Variants in PRKCE observed in about 807,000 individuals in gnomAD.
PRKCE encodes the protein protein kinase C epsilon type.
A neutral mutation model predicts 85.4 loss-of-function variants in PRKCE; 16 were observed. The ratio of observed to expected loss-of-function variants is 0.19; its 90% CI spans 0.13 to 0.28. PRKCE has a LOEUF of 0.28. Among genes scored for constraint, PRKCE ranks in the 10% least tolerant of loss-of-function variants. PRKCE has a pLI of 1.00. For missense variants in PRKCE, 573 were observed against 975.2 expected (o/e 0.59, Z 5.49); for synonymous variants, 388 against 371.5 (o/e 1.04, Z -0.51).
chr2:46,143,330 A>C (rs767568688), intron 11 of PRKCE, among the ~76,000 whole-genome samples: 1 of 152,232 alleles, frequency 6.6e-6, no homozygotes, highest in Non-Finnish European at 1.5e-5. Context: ...TGGATACTAC[A>C]AAATAGGGAT....
chr2:45,958,814 ATATTTTTTTTTT>A (rs1701178070), intron 2 of PRKCE, among the ~76,000 whole-genome samples: 5 of 25,450 alleles, frequency 2.0e-4, no homozygotes, highest in Non-Finnish European at 2.7e-4. Flanking sequence ...ATATATATAT[ATATTTTTTTTTT>A]TTTTTTTTTT....
chr2:46,088,432 G>A (rs376457496), intron 11 of PRKCE, among the ~76,000 whole-genome samples: 23 of 152,174 alleles, frequency 1.5e-4, no homozygotes, highest in African/African-American at 4.8e-4. Context: ...TGAAGAAATC[G>A]CAATTTGAGA....
intron 10 of PRKCE, among the ~76,000 whole-genome samples, chr2:46,081,061 A>G (rs4953304): frequency 6.6e-6 from 1 of 152,054 alleles, no homozygotes; most frequent in Admixed American, 6.5e-5. Context: ...GTGCGATCAC[A>G]ACTCACTGAA....
intron 1 of PRKCE, among the ~76,000 whole-genome samples, chr2:45,834,604 G>GTGTC (rs905971351): frequency 6.6e-6 from 1 of 152,140 alleles, no homozygotes; most frequent in Non-Finnish European, 1.5e-5. Flanking sequence ...GTGTGTGTGT[G>GTGTC]TGTGTGTGTG....
chr2:46,005,003 C>T (rs933649904), intron 8 of PRKCE, among the ~76,000 whole-genome samples: 1 of 152,186 alleles, frequency 6.6e-6, no homozygotes, highest in African/African-American at 2.4e-5. Context: ...GACCTGTCAA[C>T]ACCACTCCCT....
At chr2:45,832,083 T>C (rs1163913958) in intron 1 of PRKCE, among the ~76,000 whole-genome samples, 1 of 152,212 alleles carries the variant, frequency 6.6e-6, no homozygotes, top group African/African-American at 2.4e-5. Flanking sequence ...TGGTTCCAAC[T>C]AAACAATGAA....
At chr2:46,100,633 G>C (rs112917966) in intron 11 of PRKCE, among the ~76,000 whole-genome samples, 1 of 152,188 alleles carries the variant, frequency 6.6e-6, no homozygotes, top group Admixed American at 6.5e-5. Context: ...TCAGAAGGGG[G>C]TTTCTTTCTA....
rs1671900330 is a variant in PRKCE at position 46,108,069 on chromosome 2, A to C, written c.1592+21707A>C. Reference sequence around the variant, plus strand: ...CAGTCACCCAAGTAGCTGGGGCTACATGTGTGTGCCATTGCGCCTGGCTAA... The same window carrying C: ...CAGTCACCCAAGTAGCTGGGGCTACCTGTGTGTGCCATTGCGCCTGGCTAA... On this transcript the variant is annotated intron_variant, in intron 11 of 14. Coordinates refer to ENST00000306156, the MANE Select transcript of PRKCE (RefSeq NM_005400.3). 2.0e-5 allele frequency among the ~76,000 whole-genome samples: 3 copies of C among 152,162 alleles called. No individual in the cohort carries two copies. The South Asian group carries it at 6.2e-4, about 32-fold the overall frequency.
intron 11 of PRKCE, among the ~76,000 whole-genome samples, chr2:46,106,177 T>C (rs1272258308): frequency 6.6e-6 from 1 of 152,226 alleles, no homozygotes; most frequent in East Asian, 1.9e-4. Flanking sequence ...TAGTTGAAAC[T>C]CATGTTGTTC....
At chr2:45,958,242 G>C (rs975084303) in intron 2 of PRKCE, among the ~76,000 whole-genome samples, 1 of 150,504 alleles carries the variant, frequency 6.6e-6, no homozygotes, top group Non-Finnish European at 1.5e-5. Context: ...AGGCATGGTG[G>C]CTCACGCCTG....
At chr2:46,167,611 A>G (rs866832667) in intron 14 of PRKCE, among the ~76,000 whole-genome samples, 3 of 152,246 alleles carry the variant, frequency 2.0e-5, no homozygotes, top group South Asian at 4.2e-4. Flanking sequence ...CAGCACAGCC[A>G]CTGGTATGAG....
chr2:45,775,518 A>T (rs13016569), intron 1 of PRKCE, among the ~76,000 whole-genome samples: 1 of 152,038 alleles, frequency 6.6e-6, no homozygotes, highest in African/African-American at 2.4e-5. Flanking sequence ...ACTTATTTTC[A>T]TACCTCCCTG....
intron 11 of PRKCE, among the ~76,000 whole-genome samples, chr2:46,109,365 T>A (rs972352085): frequency 6.6e-6 from 1 of 152,172 alleles, no homozygotes; most frequent in African/African-American, 2.4e-5. Flanking sequence ...CTTCCTTGAT[T>A]TCTTGTGTCA....
At chr2:45,837,481 T>C (rs1366351535) in intron 1 of PRKCE, among the ~76,000 whole-genome samples, 4 of 152,240 alleles carry the variant, frequency 2.6e-5, no homozygotes, top group African/African-American at 9.6e-5. Context: ...GGTGTCAAAC[T>C]CCTCACCTCA....
At chr2:45,964,922 G>T (rs1701633601) in intron 2 of PRKCE, among the ~76,000 whole-genome samples, 1 of 152,144 alleles carries the variant, frequency 6.6e-6, no homozygotes, top group Non-Finnish European at 1.5e-5. Context: ...TACCTGGACA[G>T]AGCATAAATC....
chr2:45,964,065 C>T (rs1701569147), intron 2 of PRKCE, among the ~76,000 whole-genome samples: 1 of 152,184 alleles, frequency 6.6e-6, no homozygotes, highest in South Asian at 2.1e-4. Flanking sequence ...CTACGAACAG[C>T]ACTGGAAGGG....
chr2:45,933,637 T>C (rs2711284), intron 2 of PRKCE, among the ~76,000 whole-genome samples: 152,120 of 152,120 alleles, frequency 1, 76,060 homozygotes, highest in Non-Finnish European at 1. Flanking sequence ...CCAGGCACAG[T>C]TAATTTTTTT....
chr2:45,669,208 G>A (rs192718498), intron 1 of PRKCE, among the ~76,000 whole-genome samples: 7 of 152,182 alleles, frequency 4.6e-5, no homozygotes, highest in Admixed American at 2.0e-4. Context: ...ACAGACAACC[G>A]TAAAGCCAAC....
At chr2:46,063,874 A>G (rs1040758171) in intron 10 of PRKCE, among the ~76,000 whole-genome samples, 52 of 152,172 alleles carry the variant, frequency 3.4e-4, no homozygotes, top group Admixed American at 3.2e-3. Flanking sequence ...TGGAGTATTC[A>G]TTTCTAATGA....
Sources: allele counts gnomAD v4.1 joint callset (sites outside exome capture counted in the v4.1 genomes callset), GRCh38; gene constraint gnomAD v4.1.1; transcripts MANE v1.5; gene names NCBI Gene and HGNC (gene_info 2026-07-23, HGNC 2026-07-21).